RBL1: variants seen among roughly 807,000 people sequenced by gnomAD.
RBL1 encodes retinoblastoma-like protein 1.
A neutral mutation model predicts 123.0 loss-of-function variants in RBL1; 82 were observed. That is an observed-to-expected ratio of 0.67 (90% CI 0.56 to 0.80). The LOEUF (loss-of-function observed/expected upper bound fraction) is 0.80, where lower values mean the gene tolerates loss of function less well. Ranked by LOEUF, RBL1 falls within the 30% of genes least tolerant of loss-of-function variation. RBL1 has a pLI of 0.00. For synonymous variants in RBL1, 405 were observed against 441.3 expected (o/e 0.92, Z 1.03); for missense variants, 1,171 against 1,299.6 (o/e 0.90, Z 1.52).
intron 11 of RBL1, among the ~76,000 whole-genome samples, chr20:37,050,627 A>G (rs1404645462): frequency 6.6e-6 from 1 of 151,658 alleles, no homozygotes; most frequent in African/African-American, 2.4e-5. Flanking sequence ...AAGAAGGTCA[A>G]TTCAGAAGGT....
intron 18 of RBL1, among the ~76,000 whole-genome samples, chr20:37,018,890 T>C (rs888083896): frequency 2.0e-5 from 3 of 152,038 alleles, no homozygotes. Context: ...GGAGGTTGCA[T>C]TGAGCTGAGA....
At chr20:37,029,589 G>A (rs1314180851) in intron 16 of RBL1, among the ~76,000 whole-genome samples, 1 of 152,122 alleles carries the variant, frequency 6.6e-6, no homozygotes, top group African/African-American at 2.4e-5. Flanking sequence ...GGAATTCCTA[G>A]CTAGAGCAAT....
intron 19 of RBL1, among the ~76,000 whole-genome samples, chr20:37,017,619 CTTGT>C (rs2064277190): frequency 1.8e-5 from 1 of 55,488 alleles, no homozygotes; most frequent in African/African-American, 1.0e-4. Context: ...AGGACATTTT[CTTGT>C]GTGTGTGTGT....
intron 2 of RBL1, among the ~76,000 whole-genome samples, chr20:37,083,219 G>A (rs1028596777): frequency 2.6e-5 from 4 of 151,996 alleles, no homozygotes; most frequent in Non-Finnish European, 5.9e-5. Context: ...TGTAATCTTA[G>A]CACTTTGGGA....
chr20:37,070,452 C>G (rs905548721), intron 2 of RBL1, among the ~76,000 whole-genome samples: 3 of 150,946 alleles, frequency 2.0e-5, no homozygotes, highest in African/African-American at 7.3e-5. Context: ...TGAGAAACAC[C>G]CGAGAATTAT....
intron 16 of RBL1, among the ~76,000 whole-genome samples, chr20:37,025,869 A>G (rs2064411997): frequency 3.3e-5 from 5 of 151,790 alleles, no homozygotes. Flanking sequence ...CAGCCTCCCG[A>G]GTAGCTAGGA....
Position 37,032,844 on chromosome 20 carries a change from T to G in RBL1, c.2203A>C (p.Ile735Leu). Residue 735 changes from isoleucine to leucine, a missense_variant, in exon 16 of 22, where the codon ATA becomes CTA. Ile to Leu is a conservative substitution (Grantham distance 5). Coordinates refer to ENST00000373664, the MANE Select transcript of RBL1 (RefSeq NM_002895.5). ...VANDAGEITL[I>L]PLSMNTNQES... is the part of the protein sequence containing the mutation. ...TGATTTGTATTCATGGAAAGAGGTA[T>G]CAGTGTGATCTCTCCAGCATCATTT... 6.2e-7 allele frequency: 1 copy of G among 1,614,078 alleles called. No homozygotes were observed. Among genetic ancestry groups the G allele is most frequent in the Non-Finnish European group, 8.5e-7 (1 of 1,179,998 alleles).
chr20:37,041,818 GAA>G (rs1456663997), intron 13 of RBL1, among the ~76,000 whole-genome samples: 1 of 151,966 alleles, frequency 6.6e-6, no homozygotes, highest in East Asian at 1.9e-4. Context: ...TCAAGAAAGT[GAA>G]AAGACAGGCC....
intron 7 of RBL1, 38 bp from the exon 8 acceptor site, chr20:37,062,308 A>T (rs748553211): frequency 6.3e-7 from 1 of 1,590,136 alleles, no homozygotes; most frequent in Non-Finnish European, 8.6e-7. Flanking sequence ...ATACTAAGTT[A>T]CACAATGGAT....
intron 19 of RBL1, among the ~76,000 whole-genome samples, chr20:37,013,272 T>C (rs2064193814): frequency 6.6e-6 from 1 of 151,980 alleles, no homozygotes; most frequent in South Asian, 2.1e-4. Context: ...TGGGATCCTG[T>C]TGATCTGTGA....
At chr20:37,018,949 A>G (rs1042479440) in intron 18 of RBL1, among the ~76,000 whole-genome samples, 2 of 152,206 alleles carry the variant, frequency 1.3e-5, no homozygotes, top group Non-Finnish European at 2.9e-5. Context: ...CTCTGCTCAA[A>G]TACAAAACAA....
At chr20:37,018,516 G>T (rs1005217754) in intron 18 of RBL1, 147 bp from the exon 19 acceptor site, 25 of 1,155,180 alleles carry the variant, frequency 2.2e-5, no homozygotes, top group South Asian at 4.0e-5. Flanking sequence ...ATTAGCTCTA[G>T]TAAGTATAGA....
Position 37,003,774 on chromosome 20 carries a change from G to A in RBL1, c.2964C>T (p.Ser988=). ...RISQQHSIYI[S]PHKNGSGLTP... ...TAAGGCCTGACCCATTCTTGTGCGG[G>A]GAAATATAAATGGAGTGCTGCTGGG... Residue 988 remains serine, a synonymous_variant, in exon 21 of 22, where the codon TCC becomes TCT. Coordinates refer to ENST00000373664, the MANE Select transcript of RBL1 (RefSeq NM_002895.5). The A allele has an allele frequency of 3.7e-6, 6 of 1,614,006 alleles. No individual in the cohort carries two copies. The highest frequency in any genetic ancestry group is 4.2e-6 in the Non-Finnish European group (5 of 1,179,960).
At chr20:37,006,761 G>A (rs1423632220) in intron 20 of RBL1, among the ~76,000 whole-genome samples, 1 of 148,518 alleles carries the variant, frequency 6.7e-6, no homozygotes. Flanking sequence ...AATCACTTGA[G>A]CCCGGGAGGC....
chr20:37,011,696 A>C (rs1955285042), intron 19 of RBL1, among the ~76,000 whole-genome samples: 1 of 152,108 alleles, frequency 6.6e-6, no homozygotes, highest in Non-Finnish European at 1.5e-5. Flanking sequence ...CGGTCTCCCA[A>C]AGTGCTGGGA....
At chr20:37,012,969 G>T (rs1304159795) in intron 19 of RBL1, among the ~76,000 whole-genome samples, 1 of 151,348 alleles carries the variant, frequency 6.6e-6, no homozygotes. Flanking sequence ...GAGGTGGGGG[G>T]GTCAGCCCCC....
At chr20:37,057,004 T>TACCTACCTAC (rs2065020656) in intron 9 of RBL1, among the ~76,000 whole-genome samples, 13 of 147,622 alleles carry the variant, frequency 8.8e-5, no homozygotes, top group East Asian at 8.2e-4. Context: ...TATCTATCTA[T>TACCTACCTAC]CTACCTACCT....
intron 11 of RBL1, among the ~76,000 whole-genome samples, chr20:37,050,675 C>T (rs1018073232): frequency 4.1e-5 from 6 of 146,972 alleles, no homozygotes; most frequent in South Asian, 2.2e-4. Flanking sequence ...AAAGATAAAT[C>T]AGTGGGCAAT....
At chr20:37,050,772 C>A (rs1487143545) in intron 11 of RBL1, among the ~76,000 whole-genome samples, 1 of 150,892 alleles carries the variant, frequency 6.6e-6, no homozygotes, top group Non-Finnish European at 1.5e-5. Context: ...GTGGGAATGA[C>A]AGACACATGA....
Sources: allele counts gnomAD v4.1 joint callset (sites outside exome capture counted in the v4.1 genomes callset), GRCh38; gene constraint gnomAD v4.1.1; transcripts MANE v1.5; gene names NCBI Gene and HGNC (gene_info 2026-07-23, HGNC 2026-07-21).